The following FAM111B variants were observed in gnomAD, a reference collection of about 807,000 sequenced individuals.
FAM111B encodes the protein FAM111 trypsin like peptidase B, also known as serine protease FAM111B.
In FAM111B, 1 loss-of-function variant was observed where a neutral mutation model predicts 2.8. The ratio of observed to expected loss-of-function variants is 0.36; its 90% CI spans 0.13 to 1.70. The LOEUF (loss-of-function observed/expected upper bound fraction) is 1.70, where lower values mean the gene tolerates loss of function less well. Among genes scored for constraint, FAM111B ranks in the 40% most tolerant of loss-of-function variants. The pLI is 0.35. For missense variants in FAM111B, 882 were observed against 878.9 expected, an observed-to-expected ratio of 1.00 and a Z score of -0.04; for synonymous variants, 297 against 295.6, an observed-to-expected ratio of 1.00 and a Z score of -0.05.
chr11:59,115,462 T>G (rs1223435013), intron 3 of FAM111B, among the ~76,000 whole-genome samples: 8 of 152,222 alleles, frequency 5.3e-5, no homozygotes, highest in Non-Finnish European at 2.9e-5. Context: ...CCACAAGTTT[T>G]TAGTCTCCCA....
rs905349240 is a variant in FAM111B at position 59,126,158 on chromosome 11, G to A, written c.2061G>A (p.Met687Ile). ...CCCTTATTGAATTTGGTTATTCTAT[G>A]GATTCTATTCTTTGTGATATTAAAA... ...VHALIEFGYSMDSILCDIKKT... is the reference protein window; with the variant it reads ...VHALIEFGYSIDSILCDIKKT... The change falls in exon 4 of 4, where the codon ATG becomes ATA. Residue 687 changes from methionine (M) to isoleucine (I), a missense_variant. Transcript: ENST00000343597. 1.9e-6 allele frequency: 3 copies of A among 1,612,220 alleles called. No homozygotes were observed. The highest frequency in any genetic ancestry group is 1.6e-4 in the Middle Eastern group (1 of 6,076).
At chr11:59,109,836 T>G in intron 3 of FAM111B, 130 bp downstream of exon 3, 1 of 511,978 alleles carries the variant, frequency 2.0e-6, no homozygotes, top group Non-Finnish European at 3.3e-6. Flanking sequence ...AAAATATATT[T>G]GGGGAGCTCA....
In FAM111B at chr11:59,126,686, CA is replaced by C. The variant is rs1462872406; in HGVS notation, c.*391del. The stretch of plus-strand genomic sequence containing the variant: ...CACTAATCATTAGAGAAATGCAAAT[CA>C]AAAAAATGCCATCACACTAATCAGA... On this transcript the variant is annotated 3_prime_UTR_variant, in exon 4 of 4. Coordinates refer to ENST00000343597, the MANE Select transcript of FAM111B (RefSeq NM_198947.4). 4.3e-5 allele frequency: 7 copies of C among 162,680 alleles called. No homozygotes were observed. The highest frequency in any genetic ancestry group is 2.1e-4 in the South Asian group (1 of 4,878). 10.1% of individuals were successfully genotyped at this position (162,680 alleles called of 1,614,324 possible).
rs1193314501 is a variant in FAM111B at position 59,125,859 on chromosome 11, G to T, written c.1762G>T (p.Asp588Tyr). 4.3e-6 allele frequency: 7 copies of T among 1,613,794 alleles called. No homozygotes were observed. Among genetic ancestry groups the T allele is most frequent in the Non-Finnish European group, 5.9e-6 (7 of 1,179,850 alleles). ...TCCTGAAGGCCAGATCAAGAAAATA[G>T]ATGGTTGTACTGTGATTCCTCTAAA... is the stretch of plus-strand genomic sequence containing the variant. Reference protein sequence around the residue: ...GHPEGQIKKIDGCTVIPLNER... With the variant: ...GHPEGQIKKIYGCTVIPLNER... The change falls in exon 4 of 4, where the codon GAT (aspartate) becomes TAT (tyrosine). Residue 588 changes from aspartate (D) to tyrosine (Y), a missense_variant. Physicochemically the swap from Asp to Tyr is radical, Grantham distance 160. Transcript: ENST00000343597.
rs201488964 is a variant in FAM111B, at chr11:59,125,904, C to A, written c.1807C>A (p.Pro603Thr). ...TCTAAACGAACGATTGAAAAAATAT[C>A]CAAACGATTGTCAAGATGGGTTGGT... ...IPLNERLKKY[P>T]NDCQDGLVDL... is the part of the protein sequence containing the mutation. The change falls in exon 4 of 4, where the codon CCA becomes ACA. Residue 603 changes from proline (P) to threonine (T), a missense_variant. Physicochemically the swap from Pro to Thr is conservative, Grantham distance 38. Transcript: ENST00000343597. 15 of 1,613,794 alleles carry A rather than the reference C, an allele frequency of 9.3e-6. No homozygotes were observed. Among genetic ancestry groups the A allele is most frequent in the Non-Finnish European group, 1.3e-5 (15 of 1,179,832 alleles).
intron 2 of FAM111B, 89 bp downstream of exon 2, chr11:59,108,801 TGGGTCATATTTA>T (rs1266078524): frequency 1.3e-5 from 2 of 152,232 alleles, no homozygotes; most frequent in Admixed American, 6.5e-5. Flanking sequence ...CTAGTCATTA[TGGGTCATATTTA>T]TCCACTTTTT....
intron 3 of FAM111B, among the ~76,000 whole-genome samples, chr11:59,120,059 ATTATT>A (rs1444228568): frequency 6.6e-6 from 1 of 152,226 alleles, no homozygotes; most frequent in Non-Finnish European, 1.5e-5. Flanking sequence ...ATCATCAAAA[ATTATT>A]TTATAATGCC....
chr11:59,123,860 A>G (rs1438967562), intron 3 of FAM111B, among the ~76,000 whole-genome samples: 1 of 152,176 alleles, frequency 6.6e-6, no homozygotes, highest in Non-Finnish European at 1.5e-5. Context: ...CTGGATATCC[A>G]GTTATTCTAG....
Position 59,125,657 on chromosome 11 carries a change from A to C in FAM111B, c.1560A>C (p.Thr520=), listed in dbSNP as rs1406898137. 6.2e-7 allele frequency: 1 copy of C among 1,613,986 alleles called. No individual in the cohort carries two copies. ...GTGCGAAGGTAACCTTCACTTATAC[A>C]GAGTTCTGCCCTACTCCTGACAATT... ...SKCAKVTFTY[T]EFCPTPDNWF... is the part of the protein sequence containing the mutation. The change falls in exon 4 of 4, where the codon ACA becomes ACC. Residue 520 remains threonine, a synonymous_variant. Transcript: ENST00000343597.
At position 59,109,510 on chromosome 11, in the gene FAM111B, T is replaced by G. The variant is rs1859723783; in HGVS notation, c.-86-30T>G. Reference sequence around the variant, plus strand: ...TCTCCAGTGTTTGAAAGTGGTTATTTCATAGATCTTGTTTTTTTGGTTTTT... The same window carrying G: ...TCTCCAGTGTTTGAAAGTGGTTATTGCATAGATCTTGTTTTTTTGGTTTTT... On this transcript the variant is annotated intron_variant, in intron 2 of 3. Coordinates refer to ENST00000343597, the MANE Select transcript of FAM111B (RefSeq NM_198947.4). 3 of 626,398 alleles carry G rather than the reference T, an allele frequency of 4.8e-6. No individual in the cohort carries two copies. The Admixed American group carries it at 9.0e-5, about 19-fold the overall frequency. 38.8% of individuals were successfully genotyped at this position (626,398 alleles called of 1,614,324 possible). A position where few individuals can be genotyped will look rare whatever the true frequency, so the allele number is the denominator to read the frequency against.
rs1590887809 is a variant in FAM111B at position 59,112,303 on chromosome 11, A to C, written c.81+2597A>C. Among the ~76,000 whole-genome samples, 3 of 152,210 alleles carry C rather than the reference A, an allele frequency of 2.0e-5. No individual in the cohort carries two copies. The South Asian group carries it at 6.2e-4, about 32-fold the overall frequency. On this transcript the variant is annotated intron_variant, in intron 3 of 3. Coordinates refer to ENST00000343597, the MANE Select transcript of FAM111B (RefSeq NM_198947.4). ...TGGCTTCTTTCACTTAGAACATTCC[A>C]TTTAAGATTCATGAGTGTTGCATGC...
chr11:59,109,819 G>A (rs1859730877), intron 3 of FAM111B, 113 bp downstream of exon 3: 1 of 595,956 alleles, frequency 1.7e-6, no homozygotes, highest in Non-Finnish European at 2.7e-6. Flanking sequence ...CTTCTCTTAG[G>A]TAGTTTAAAA....
At chr11:59,110,516 C>A (rs1859741824) in intron 3 of FAM111B, among the ~76,000 whole-genome samples, 1 of 151,960 alleles carries the variant, frequency 6.6e-6, no homozygotes, top group African/African-American at 2.4e-5. Context: ...TACTCAAGTT[C>A]TTGCTAAAAT....
In FAM111B at chr11:59,125,949, A is replaced by G. The variant is rs758875118; in HGVS notation, c.1852A>G (p.Ser618Gly). 2 of 1,613,898 alleles carry G rather than the reference A, an allele frequency of 1.2e-6. No individual in the cohort carries two copies. The highest frequency in any genetic ancestry group is 4.5e-5 in the East Asian group (2 of 44,872). Residue 618 changes from serine (S) to glycine (G), a missense_variant, in exon 4 of 4, where the codon AGT (serine) becomes GGT (glycine). Coordinates refer to ENST00000343597, the MANE Select transcript of FAM111B (RefSeq NM_198947.4). ...DGLVDLYDTT[S>G]NVYCMFTQRS... Reference sequence around the variant, plus strand: ...GTTGGTAGATCTCTATGATACCACCAGTAATGTATACTGTATGTTTACCCA... The same window carrying G: ...GTTGGTAGATCTCTATGATACCACCGGTAATGTATACTGTATGTTTACCCA...
rs775473066 is a variant in FAM111B at position 59,124,849 on chromosome 11, G to A, written c.752G>A (p.Gly251Glu). Residue 251 changes from glycine to glutamate, a missense_variant, in exon 4 of 4, where the codon GGA (glycine) becomes GAA (glutamate). Transcript: ENST00000343597. Reference sequence around the variant, plus strand: ...AAGGAAGGTCATAAGAAAATTTATGGAAAACAGTCCATGGTGGATGAAGTA... The same window carrying A: ...AAGGAAGGTCATAAGAAAATTTATGAAAAACAGTCCATGGTGGATGAAGTA... ...KLKEGHKKIY[G>E]KQSMVDEVSG... 2.5e-6 allele frequency: 4 copies of A among 1,613,576 alleles called. No individual in the cohort carries two copies. Among genetic ancestry groups the A allele is most frequent in the South Asian group, 2.2e-5 (2 of 91,024 alleles).
intron 1 of FAM111B, among the ~76,000 whole-genome samples, chr11:59,108,057 G>A (rs1859693576): frequency 6.6e-6 from 1 of 152,170 alleles, no homozygotes; most frequent in Non-Finnish European, 1.5e-5. Context: ...TTTGAGGCGG[G>A]GGTTGTGGAG....
chr11:59,118,350 C>T (rs1393789431), intron 3 of FAM111B, among the ~76,000 whole-genome samples: 1 of 152,132 alleles, frequency 6.6e-6, no homozygotes, highest in East Asian at 1.9e-4. Flanking sequence ...CCCCTTGGTT[C>T]CAAGGGGGCT....
chr11:59,121,606 T>C (rs1361494173), intron 3 of FAM111B, among the ~76,000 whole-genome samples: 2 of 152,212 alleles, frequency 1.3e-5, no homozygotes, highest in East Asian at 3.8e-4. Context: ...CCTCATGTCT[T>C]CAAATATTTA....
rs538686904 is a variant in FAM111B at position 59,111,768 on chromosome 11, A to C, written c.81+2062A>C. Among the ~76,000 whole-genome samples the C allele has an allele frequency of 1.5e-3, 227 of 152,288 alleles. 2 individuals carry two copies. The highest frequency in any genetic ancestry group is 8.7e-4 in the Non-Finnish European group (59 of 68,004). ...TCTAGGGCATCCAATTATAGAACAG[A>C]ACTAGAGTATAAAACTGCCAAACTG... is the stretch of plus-strand genomic sequence containing the variant. On this transcript the variant is annotated intron_variant, in intron 3 of 3. Transcript: ENST00000343597.
Sources: gnomAD v4.1 joint callset for allele counts (sites outside exome capture counted in the v4.1 genomes callset) on GRCh38, gnomAD v4.1.1 for gene constraint, MANE v1.5 for transcripts, NCBI Gene and HGNC (gene_info 2026-07-23, HGNC 2026-07-21) for gene names.